The following WNT9B variants were observed in gnomAD, a reference collection of about 807,000 sequenced individuals.
WNT9B encodes the protein Wnt family member 9B.
In WNT9B, 12 loss-of-function variants were observed where a neutral mutation model predicts 30.2. That is an observed-to-expected ratio of 0.40 (90% CI 0.26 to 0.64). The LOEUF (loss-of-function observed/expected upper bound fraction) is 0.64, where lower values mean the gene tolerates loss of function less well. Ranked by LOEUF, WNT9B falls within the 30% of genes least tolerant of loss-of-function variation. The pLI, the probability that WNT9B is intolerant of heterozygous loss-of-function variation, is 0.42. For synonymous variants in WNT9B, 218 were observed against 216.9 expected, an observed-to-expected ratio of 1.01 and a Z score of -0.05; for missense variants, 442 against 485.2, an observed-to-expected ratio of 0.91 and a Z score of 0.84.
chr17:46,860,573 G>A (rs2146566154), intron 1 of WNT9B, among the ~76,000 whole-genome samples: 1 of 152,320 alleles, frequency 6.6e-6, no homozygotes, highest in African/African-American at 2.4e-5. Context: ...GATCTCTTAG[G>A]CTTGTTGTAA....
intron 1 of WNT9B, among the ~76,000 whole-genome samples, chr17:46,852,024 C>T (rs1321264182): frequency 6.6e-6 from 1 of 152,238 alleles, no homozygotes; most frequent in Non-Finnish European, 1.5e-5. Flanking sequence ...GCCCCGTCCG[C>T]CCCGGCCCCG....
chr17:46,884,653 A>G (rs2085467668), downstream of WNT9B, among the ~76,000 whole-genome samples: 3 of 152,126 alleles, frequency 2.0e-5, no homozygotes, highest in South Asian at 2.1e-4. Flanking sequence ...TCTCGTGTGC[A>G]TTGTTGTATT....
intron 1 of WNT9B, among the ~76,000 whole-genome samples, chr17:46,861,052 TG>T (rs1178984243): frequency 6.6e-6 from 1 of 152,056 alleles, no homozygotes; most frequent in East Asian, 1.9e-4. Flanking sequence ...GTGTGCGTGT[TG>T]GGGGGAAACT....
At position 46,880,297 on chromosome 17, in the gene WNT9B, C is replaced by A. The variant is rs1251227606; in HGVS notation, c.*3579C>A. Among the ~76,000 whole-genome samples, 3 of 152,216 alleles carry A rather than the reference C, an allele frequency of 2.0e-5. No individual in the cohort carries two copies. Among genetic ancestry groups the A allele is most frequent in the Non-Finnish European group, 4.4e-5 (3 of 68,032 alleles). ...ACCCTGGACATTACTTGCTTTTGAA[C>A]CTTTCCTTTCTCAACAACCATGAAC... On this transcript the variant is annotated 3_prime_UTR_variant, in exon 4 of 4. Coordinates refer to ENST00000290015, the MANE Select transcript of WNT9B (RefSeq NM_003396.3).
upstream of WNT9B, among the ~76,000 whole-genome samples, chr17:46,849,192 T>C (rs2146536204): frequency 6.6e-6 from 1 of 152,330 alleles, no homozygotes; most frequent in African/African-American, 2.4e-5. Flanking sequence ...TCCATCTAAA[T>C]ATTTTCCTCG....
Position 46,851,739 on chromosome 17 carries a change from C to A in WNT9B, c.77+24C>A. The A allele has an allele frequency of 1.6e-6, 2 of 1,229,666 alleles. No individual in the cohort carries two copies. Among genetic ancestry groups the A allele is most frequent in the Non-Finnish European group, 2.1e-6 (2 of 975,298 alleles). 76.2% of individuals were successfully genotyped at this position (1,229,666 alleles called of 1,614,324 possible). The stretch of plus-strand genomic sequence containing the variant: ...GGGTCAGTGCCCGCCGCGCCCCCCG[C>A]CCGCTCCCCGGCCTGCCTGTCTCTC... On this transcript the variant is annotated intron_variant, in intron 1 of 3. Coordinates refer to ENST00000290015, the MANE Select transcript of WNT9B (RefSeq NM_003396.3). This position sits in a 1 kb window ranked among gnomAD's most constrained non-coding sequence, Gnocchi z 4.3.
downstream of WNT9B, chr17:46,885,040 G>A (rs1431691993): frequency 6.8e-6 from 3 of 440,848 alleles, no homozygotes; most frequent in Admixed American, 2.5e-5. Flanking sequence ...GCAGGTTGGA[G>A]TGCAGTGGCA....
At chr17:46,851,576 G>A, upstream of WNT9B, 1 of 950,190 alleles carries the variant, frequency 1.1e-6, no homozygotes. The surrounding 1 kb of genome is among the most constrained non-coding windows in gnomAD (Gnocchi z 4.3). Flanking sequence ...CGGGCGGGTG[G>A]TGGCGGAGCT....
At chr17:46,838,740 A>G (rs1321266584) in intron 1 of WNT9B, among the ~76,000 whole-genome samples, 1 of 152,216 alleles carries the variant, frequency 6.6e-6, no homozygotes, top group East Asian at 1.9e-4. Context: ...TAATAAGCAT[A>G]TATCAGCCTT....
chr17:46,870,904 CTTTT>C (rs144277402), intron 1 of WNT9B, among the ~76,000 whole-genome samples: 3 of 78,386 alleles, frequency 3.8e-5, no homozygotes. Flanking sequence ...TCCACCTTTG[CTTTT>C]TTTTTTTTTT....
chr17:46,850,182 G>C (rs2084824663), upstream of WNT9B, among the ~76,000 whole-genome samples: 1 of 152,190 alleles, frequency 6.6e-6, no homozygotes, highest in Admixed American at 6.5e-5. Context: ...CAAAAATCCT[G>C]TTAGATATTT....
At chr17:46,840,731 T>C (rs1387247099) in intron 1 of WNT9B, among the ~76,000 whole-genome samples, 1 of 151,856 alleles carries the variant, frequency 6.6e-6, no homozygotes. Context: ...GTGGTTTTGA[T>C]TTGCATTTCT....
intron 1 of WNT9B, among the ~76,000 whole-genome samples, chr17:46,844,760 T>C (rs1421292652): frequency 1.3e-5 from 2 of 152,180 alleles, no homozygotes; most frequent in East Asian, 3.8e-4. Context: ...TTATGGCATA[T>C]TTTTAAACTT....
At chr17:46,882,331 C>G (rs901578366), downstream of WNT9B, among the ~76,000 whole-genome samples, 3 of 152,170 alleles carry the variant, frequency 2.0e-5, no homozygotes, top group Non-Finnish European at 4.4e-5. Flanking sequence ...CTGCATGTCT[C>G]GTGGAATACC....
chr17:46,877,310 A>G lies in WNT9B; in HGVS notation c.*592A>G, dbSNP rs2085361519. ...GTGGTAGAAGCCATCCGTTCAGAGA[A>G]AGGAGAGCTTTCTGTGCTTGAGTGG... On this transcript the variant is annotated 3_prime_UTR_variant, in exon 4 of 4. Transcript: ENST00000290015. Among the ~76,000 whole-genome samples, 1 of 152,192 alleles carries G rather than the reference A, an allele frequency of 6.6e-6. No individual in the cohort carries two copies. The highest frequency in any genetic ancestry group is 1.5e-5 in the Non-Finnish European group (1 of 68,026).
upstream of WNT9B, among the ~76,000 whole-genome samples, chr17:46,846,959 C>A (rs1471080744): frequency 6.6e-6 from 1 of 152,190 alleles, no homozygotes; most frequent in African/African-American, 2.4e-5. Context: ...TACTGCCCTG[C>A]CCCTCCCAAA....
upstream of WNT9B, among the ~76,000 whole-genome samples, chr17:46,848,631 G>A (rs531363391): frequency 6.6e-6 from 1 of 152,370 alleles, no homozygotes; most frequent in Admixed American, 6.5e-5. Context: ...TGGACACTTA[G>A]GAGGTACACG....
In WNT9B at chr17:46,876,989, T is replaced by G; in HGVS notation, c.*271T>G. On this transcript the variant is annotated 3_prime_UTR_variant, in exon 4 of 4. Coordinates refer to ENST00000290015, the MANE Select transcript of WNT9B (RefSeq NM_003396.3). Reference sequence around the variant, plus strand: ...AGAGGAGGGCAGAGTGAGAAAGACATGGAGGGAAATAAGGGAGACCAAGAG... The same window carrying G: ...AGAGGAGGGCAGAGTGAGAAAGACAGGGAGGGAAATAAGGGAGACCAAGAG... The G allele has an allele frequency of 1.6e-6, 2 of 1,274,778 alleles. No individual in the cohort carries two copies. Among genetic ancestry groups the G allele is most frequent in the Non-Finnish European group, 2.0e-6 (2 of 1,012,860 alleles). The allele number at this position is 1,274,778 out of a possible 1,614,324, so 79.0% of individuals were successfully genotyped here. A position where few individuals can be genotyped will look rare whatever the true frequency, so the allele number is the denominator to read the frequency against.
upstream of WNT9B, among the ~76,000 whole-genome samples, chr17:46,850,529 C>T (rs2084828471): frequency 1.3e-5 from 2 of 152,198 alleles, no homozygotes; most frequent in South Asian, 2.1e-4. Flanking sequence ...GTTCCCTATG[C>T]ATGGCTGATT....
Sources: allele counts gnomAD v4.1 joint callset (sites outside exome capture counted in the v4.1 genomes callset), GRCh38; gene constraint gnomAD v4.1.1; non-coding constraint Gnocchi (gnomAD v3.1); transcripts MANE v1.5; gene names NCBI Gene and HGNC (gene_info 2026-07-23, HGNC 2026-07-21).